Variants in UMAD1 observed in about 807,000 individuals in gnomAD.
UMAD1 encodes UBAP1-MVB12-associated (UMA) domain containing 1, also known as UBAP1-MVB12-associated (UMA)-domain containing protein 1.
UMAD1 carries 8 observed loss-of-function variants against 6.1 expected under a neutral mutation model. The observed-to-expected ratio is 1.30, with a 90% CI of 0.76 to 2.35. The LOEUF (loss-of-function observed/expected upper bound fraction) is 2.35, where lower values mean the gene tolerates loss of function less well. UMAD1 is among the 30% of genes most tolerant of loss of function. The pLI is 0.00. For synonymous variants in UMAD1, 56 were observed against 31.4 expected, an observed-to-expected ratio of 1.78 and a Z score of -2.61; for missense variants, 130 against 78.4, an observed-to-expected ratio of 1.66 and a Z score of -2.49.
chr7:7,643,587 C>G (rs1785024537), intron 1 of UMAD1, among the ~76,000 whole-genome samples: 1 of 152,090 alleles, frequency 6.6e-6, no homozygotes, highest in African/African-American at 2.4e-5. Flanking sequence ...TGGCGGGGGC[C>G]TGTAGTCCCA....
At chr7:7,787,481 C>T (rs1015952818) in intron 2 of UMAD1, among the ~76,000 whole-genome samples, 8 of 152,112 alleles carry the variant, frequency 5.3e-5, no homozygotes, top group African/African-American at 1.7e-4. Context: ...TATTAGCAAC[C>T]TTTAAAATAC....
At chr7:7,801,601 A>G (rs981950063) in intron 2 of UMAD1, 69 bp from the exon 3 acceptor site, 8 of 674,622 alleles carry the variant, frequency 1.2e-5, no homozygotes, top group Middle Eastern at 2.4e-4. Flanking sequence ...TACTTCAAAC[A>G]AATAGCAAGT....
intron 1 of UMAD1, among the ~76,000 whole-genome samples, chr7:7,644,446 A>G (rs1484434704): frequency 6.6e-6 from 1 of 151,356 alleles, no homozygotes; most frequent in African/African-American, 2.4e-5. Flanking sequence ...TTAAAATCTC[A>G]TTTATGAATT....
intron 2 of UMAD1, among the ~76,000 whole-genome samples, chr7:7,790,383 A>T (rs530307008): frequency 6.6e-6 from 1 of 152,228 alleles, no homozygotes; most frequent in Non-Finnish European, 1.5e-5. Context: ...CATCCATCCC[A>T]TGCCAGCCTA....
At chr7:7,732,113 A>C (rs557374156) in intron 2 of UMAD1, among the ~76,000 whole-genome samples, 1 of 152,040 alleles carries the variant, frequency 6.6e-6, no homozygotes, top group East Asian at 1.9e-4. Flanking sequence ...GATTCACTAA[A>C]TTATTCTTGT....
chr7:7,820,887 G>A (rs1783228267), intron 3 of UMAD1, among the ~76,000 whole-genome samples: 1 of 152,094 alleles, frequency 6.6e-6, no homozygotes, highest in Non-Finnish European at 1.5e-5. Flanking sequence ...ACTGAATGTT[G>A]GGTGATTTGG....
chr7:7,727,704 C>T (rs549682009), intron 2 of UMAD1, among the ~76,000 whole-genome samples: 78 of 152,298 alleles, frequency 5.1e-4, no homozygotes, highest in Non-Finnish European at 9.1e-4. Context: ...CGTGAAAAGG[C>T]TAGACAGGCT....
intron 2 of UMAD1, among the ~76,000 whole-genome samples, chr7:7,722,209 A>G (rs148623406): frequency 7.9e-4 from 118 of 150,048 alleles, no homozygotes; most frequent in Admixed American, 1.7e-3. Context: ...ATAGATATAT[A>G]GATATATACT....
rs551320262 is a variant in UMAD1, at chr7:7,704,898, A to G, written c.82+31445A>G. ...GATGTGTTTTATTTGGGTAAAGTAA[A>G]ATAGGCCTAGAAGATGGGCAGATTC... On this transcript the variant is annotated intron_variant, in intron 2 of 3. Coordinates refer to ENST00000682710, the MANE Select transcript of UMAD1 (RefSeq NM_001302348.2). Among the ~76,000 whole-genome samples the G allele has an allele frequency of 6.6e-5, 10 of 152,306 alleles. 1 individual carries two copies. Among genetic ancestry groups the G allele is most frequent in the African/African-American group, 2.4e-4 (10 of 41,578 alleles).
intron 3 of UMAD1, among the ~76,000 whole-genome samples, chr7:7,832,683 AT>A (rs1181465026): frequency 2.0e-5 from 3 of 152,200 alleles, no homozygotes; most frequent in Non-Finnish European, 4.4e-5. Flanking sequence ...GCTTTGCATA[AT>A]GTACCATGCT....
chr7:7,863,638 G>T (rs1393055111), intron 3 of UMAD1, among the ~76,000 whole-genome samples: 1 of 152,142 alleles, frequency 6.6e-6, no homozygotes, highest in Non-Finnish European at 1.5e-5. Flanking sequence ...GTTGGTGGGG[G>T]TCTTAAGTAC....
chr7:7,756,983 C>T (rs1256355238), intron 2 of UMAD1, among the ~76,000 whole-genome samples: 1 of 152,198 alleles, frequency 6.6e-6, no homozygotes, highest in Non-Finnish European at 1.5e-5. Context: ...AGAATAGCTA[C>T]ACATTGATCT....
At chr7:7,780,559 G>A (rs117850080) in intron 2 of UMAD1, among the ~76,000 whole-genome samples, 202 of 152,218 alleles carry the variant, frequency 1.3e-3, no homozygotes, top group African/African-American at 1.7e-3. Flanking sequence ...ACAAAATGTC[G>A]TTAGCGTCCA....
chr7:7,710,778 G>A (rs1018691940), intron 2 of UMAD1, among the ~76,000 whole-genome samples: 1 of 152,094 alleles, frequency 6.6e-6, no homozygotes, highest in South Asian at 2.1e-4. Context: ...GACCCAAACT[G>A]GATACACACC....
At chr7:7,669,496 A>C (rs1315079855) in intron 1 of UMAD1, among the ~76,000 whole-genome samples, 1 of 152,204 alleles carries the variant, frequency 6.6e-6, no homozygotes, top group East Asian at 1.9e-4. Flanking sequence ...GATTAAGATA[A>C]GCTGATGGCA....
intron 2 of UMAD1, among the ~76,000 whole-genome samples, chr7:7,781,986 A>G (rs1782355034): frequency 6.6e-6 from 1 of 152,278 alleles, no homozygotes; most frequent in East Asian, 1.9e-4. Context: ...TGAAGCAGCA[A>G]GTCACAAAGT....
chr7:7,809,382 G>T (rs1782981618), intron 3 of UMAD1, among the ~76,000 whole-genome samples: 1 of 151,886 alleles, frequency 6.6e-6, no homozygotes, highest in Admixed American at 6.6e-5. Flanking sequence ...GGGAAAAGTT[G>T]ATTCTTTTGT....
chr7:7,704,699 G>A (rs1186308705), intron 2 of UMAD1, among the ~76,000 whole-genome samples: 1 of 147,924 alleles, frequency 6.8e-6, no homozygotes, highest in Non-Finnish European at 1.5e-5. Context: ...CCCAGGGGGT[G>A]GAGGTTGCAG....
At chr7:7,770,424 G>A (rs894648536) in intron 2 of UMAD1, among the ~76,000 whole-genome samples, 3 of 151,930 alleles carry the variant, frequency 2.0e-5, no homozygotes, top group African/African-American at 7.3e-5. Flanking sequence ...CCCAATCCCC[G>A]TTGGCATAAA....
Sources: allele counts gnomAD v4.1 joint callset (sites outside exome capture counted in the v4.1 genomes callset), GRCh38; gene constraint gnomAD v4.1.1; transcripts MANE v1.5; gene names NCBI Gene and HGNC (gene_info 2026-07-23, HGNC 2026-07-21).